AGBL1: variants seen among roughly 807,000 people sequenced by gnomAD.
The protein encoded by AGBL1 is cytosolic carboxypeptidase 4.
Under a neutral mutation model 118.9 loss-of-function variants are expected in AGBL1, and 130 were observed. That is an observed-to-expected ratio of 1.09 (90% CI 0.95 to 1.26). AGBL1 has a LOEUF of 1.26. Ranked by LOEUF, AGBL1 falls within the 50% of genes most tolerant of loss-of-function variation. The pLI is 0.00. For missense variants in AGBL1, 1,584 were observed against 1,298.1 expected (o/e 1.22, Z -3.38); for synonymous variants, 555 against 478.9 (o/e 1.16, Z -2.08).
rs8028043 is a variant in AGBL1, at chr15:86,674,382, A to G, written c.3104A>G (p.Gln1035Arg). The G allele has an allele frequency of 0.9, 1,448,310 of 1,612,884 alleles. 651,077 individuals are homozygous for G. Among genetic ancestry groups the G allele is most frequent in the Middle Eastern group, 0.95 (5,756 of 6,034 alleles). ...AGCTGCAGCCATCAGCTCCTGGCTC[A>G]AGCTGCAACTCTGCTGAGTGCTGAG... ...SASCSHQLLA[Q>R]AATLLSAEED... Residue 1035 changes from glutamine (Q) to arginine (R), a missense_variant, in exon 22 of 23, where the codon CAA becomes CGA. Physicochemically the swap from Gln to Arg is conservative, Grantham distance 43 (BLOSUM62 1). Coordinates refer to ENST00000614907, the MANE Select transcript of AGBL1 (RefSeq NM_001386094.1).
At chr15:86,784,084 C>G (rs1470736352) in intron 22 of AGBL1, among the ~76,000 whole-genome samples, 1 of 152,186 alleles carries the variant, frequency 6.6e-6, no homozygotes, top group Non-Finnish European at 1.5e-5. Context: ...ATCTCTTAAC[C>G]TCAGTTCCCT....
intron 21 of AGBL1, among the ~76,000 whole-genome samples, chr15:86,573,506 A>AAATAGAAGAT (rs1290664625): frequency 6.6e-6 from 1 of 152,328 alleles, no homozygotes; most frequent in East Asian, 1.9e-4. Context: ...ACATCTGGTA[A>AAATAGAAGAT]AATAGAAGAT....
At chr15:86,901,297 A>C (rs540681573) in intron 22 of AGBL1, among the ~76,000 whole-genome samples, 1 of 152,066 alleles carries the variant, frequency 6.6e-6, no homozygotes, top group Non-Finnish European at 1.5e-5. Context: ...TTTAGAAAAC[A>C]TTAATTGTGT....
intron 23 of AGBL1, among the ~76,000 whole-genome samples, chr15:86,971,829 C>G (rs1037002221): frequency 6.6e-6 from 1 of 151,836 alleles, no homozygotes; most frequent in African/African-American, 2.4e-5. Flanking sequence ...AGGGAGAGAC[C>G]AAGTGGAGGT....
At chr15:86,383,385 C>G in intron 17 of AGBL1, among the ~76,000 whole-genome samples, 1 of 150,882 alleles carries the variant, frequency 6.6e-6, no homozygotes, top group East Asian at 2.0e-4. Flanking sequence ...GTCGGGAGTT[C>G]AAGACCAGCC....
At chr15:86,795,564 T>A (rs190256650) in intron 22 of AGBL1, among the ~76,000 whole-genome samples, 1 of 150,314 alleles carries the variant, frequency 6.7e-6, no homozygotes, top group African/African-American at 2.4e-5. Flanking sequence ...GGCATTTGAC[T>A]AGTAAACCTT....
chr15:86,285,879 C>T (rs28566097), intron 16 of AGBL1, among the ~76,000 whole-genome samples: 1,804 of 152,256 alleles, frequency 0.012, 45 homozygotes, highest in African/African-American at 0.042. Context: ...CTCATGTGCC[C>T]TATGATACTT....
Position 86,157,973 on chromosome 15 carries a change from T to C in AGBL1, c.395-960T>C, listed in dbSNP as rs2077215290. Among the ~76,000 whole-genome samples the C allele has an allele frequency of 1.3e-5, 2 of 152,212 alleles. 1 individual carries two copies. Among genetic ancestry groups the C allele is most frequent in the South Asian group, 4.1e-4 (2 of 4,828 alleles). On this transcript the variant is annotated intron_variant, in intron 4 of 22. Coordinates refer to ENST00000614907, the MANE Select transcript of AGBL1 (RefSeq NM_001386094.1). Reference sequence around the variant, plus strand: ...GTGCTTTTAAAATTAACTCCTCCCTTACTCAATACCAGAATTTTTTTTAAT... The same window carrying C: ...GTGCTTTTAAAATTAACTCCTCCCTCACTCAATACCAGAATTTTTTTTAAT...
intron 22 of AGBL1, among the ~76,000 whole-genome samples, chr15:86,712,773 A>T (rs1023227173): frequency 2.0e-5 from 3 of 152,186 alleles, no homozygotes; most frequent in Non-Finnish European, 4.4e-5. Context: ...AGTAACAAAA[A>T]AGATGAGGAG....
At chr15:86,453,406 A>G (rs1483335015) in intron 18 of AGBL1, among the ~76,000 whole-genome samples, 1 of 152,224 alleles carries the variant, frequency 6.6e-6, no homozygotes, top group Non-Finnish European at 1.5e-5. Context: ...TAATAATACA[A>G]AATACATCAT....
intron 22 of AGBL1, among the ~76,000 whole-genome samples, chr15:86,813,192 C>T (rs1035539292): frequency 2.6e-4 from 23 of 88,788 alleles, no homozygotes; most frequent in African/African-American, 8.1e-4. Context: ...ATGGGTCACA[C>T]CTTTGAGGGT....
chr15:86,189,818 A>G (rs1463568015), intron 5 of AGBL1, among the ~76,000 whole-genome samples: 1 of 152,180 alleles, frequency 6.6e-6, no homozygotes, highest in Non-Finnish European at 1.5e-5. Flanking sequence ...ATAGCAACAC[A>G]CAAATAGGCT....
chr15:86,433,512 C>G (rs2081965286), intron 18 of AGBL1, among the ~76,000 whole-genome samples: 1 of 152,038 alleles, frequency 6.6e-6, no homozygotes, highest in African/African-American at 2.4e-5. Flanking sequence ...CAGTTGCTCC[C>G]AAATCCTGCC....
At chr15:86,515,081 A>T (rs543523176) in intron 18 of AGBL1, among the ~76,000 whole-genome samples, 1 of 152,234 alleles carries the variant, frequency 6.6e-6, no homozygotes, top group East Asian at 1.9e-4. Context: ...TACTTTACTG[A>T]ATTCCTTTAC....
At chr15:86,212,850 A>T (rs555527948) in intron 5 of AGBL1, among the ~76,000 whole-genome samples, 1 of 152,238 alleles carries the variant, frequency 6.6e-6, no homozygotes, top group South Asian at 2.1e-4. Flanking sequence ...GGATTTCACC[A>T]TGTTGGCCAG....
intron 22 of AGBL1, among the ~76,000 whole-genome samples, chr15:86,767,696 G>A (rs2078116123): frequency 1.3e-5 from 2 of 151,896 alleles, no homozygotes; most frequent in African/African-American, 4.8e-5. Flanking sequence ...ATTTGCTTCT[G>A]AGGCTTTTTT....
intron 16 of AGBL1, among the ~76,000 whole-genome samples, chr15:86,288,333 G>C (rs1476343631): frequency 6.6e-6 from 1 of 152,120 alleles, no homozygotes; most frequent in East Asian, 1.9e-4. Context: ...AAACGTGACT[G>C]ATATTCTGAT....
At chr15:86,212,267 A>G (rs1317089753) in intron 5 of AGBL1, among the ~76,000 whole-genome samples, 1 of 152,264 alleles carries the variant, frequency 6.6e-6, no homozygotes, top group African/African-American at 2.4e-5. Flanking sequence ...ATGTGAAGTC[A>G]GATACATAAA....
At chr15:86,790,341 C>A (rs1287697736) in intron 22 of AGBL1, among the ~76,000 whole-genome samples, 2 of 142,888 alleles carry the variant, frequency 1.4e-5, no homozygotes, top group Non-Finnish European at 3.1e-5. Flanking sequence ...TTTTGTCCTT[C>A]AAACACACAC....
Sources: allele counts gnomAD v4.1 joint callset (sites outside exome capture counted in the v4.1 genomes callset), GRCh38; gene constraint gnomAD v4.1.1; transcripts MANE v1.5; gene names NCBI Gene and HGNC (gene_info 2026-07-23, HGNC 2026-07-21).